MYO1H: variants seen among roughly 807,000 people sequenced by gnomAD.
MYO1H encodes unconventional myosin-Ih.
Under a neutral mutation model 149.3 loss-of-function variants are expected in MYO1H, and 118 were observed. The observed-to-expected ratio is 0.79, with a 90% confidence interval of 0.68 to 0.92. The LOEUF (loss-of-function observed/expected upper bound fraction) is 0.92, where lower values mean the gene tolerates loss of function less well. Ranked by LOEUF, MYO1H falls within the 40% of genes least tolerant of loss-of-function variation. The pLI is 0.00. For missense variants in MYO1H, 1,212 were observed against 1,280.7 expected, an observed-to-expected ratio of 0.95 and a Z score of 0.82; for synonymous variants, 447 against 465.2, an observed-to-expected ratio of 0.96 and a Z score of 0.50.
At chr12:109,438,563 G>A (rs1340953297) in exon 23 of MYO1H, 3 of 1,613,360 alleles carry the variant, frequency 1.9e-6, no homozygotes, top group African/African-American at 2.7e-5. Flanking sequence ...CACTGGCGTG[G>A]GGCCCTGGCT....
the MYO1H span, among the ~76,000 whole-genome samples, chr12:109,334,208 G>A: frequency 6.6e-6 from 1 of 152,152 alleles, no homozygotes; most frequent in Non-Finnish European, 1.5e-5. Context: ...AAGTAGAGAT[G>A]GGGTTTTGCC....
rs183590370 is a variant in MYO1H, at chr12:109,427,758, A to G, written c.1949+172A>G. 2.9e-3 allele frequency among the ~76,000 whole-genome samples: 425 copies of G among 147,116 alleles called. 3 individuals are homozygous for G. The highest frequency in any genetic ancestry group is 0.01 in the African/African-American group (410 of 39,942). ...ACATTTGGGAGAACATAAAAACCCAACTCTGGCTGGGTGCGGTGGCTCATG... is the reference window on the plus strand; with the variant it reads ...ACATTTGGGAGAACATAAAAACCCAGCTCTGGCTGGGTGCGGTGGCTCATG... On this transcript the variant is annotated intron_variant, in intron 19 of 31. Coordinates refer to ENST00000310903, the Ensembl canonical transcript of MYO1H.
At chr12:109,396,825 T>TG (rs1869934908) in intron 4 of MYO1H, among the ~76,000 whole-genome samples, 1 of 125,944 alleles carries the variant, frequency 7.9e-6, no homozygotes, top group Non-Finnish European at 1.7e-5. Flanking sequence ...TTTTTTTTTT[T>TG]TTTTTTTTTT....
At chr12:109,405,760 C>A (rs950724040) in intron 7 of MYO1H, among the ~76,000 whole-genome samples, 162 bp from the exon 8 acceptor site, 3 of 152,120 alleles carry the variant, frequency 2.0e-5, no homozygotes, top group African/African-American at 7.2e-5. Flanking sequence ...GGGCTGATTT[C>A]TGAGGAAGCA....
the MYO1H span, among the ~76,000 whole-genome samples, chr12:109,329,311 G>C: frequency 3.3e-5 from 5 of 152,162 alleles, no homozygotes; most frequent in African/African-American, 9.7e-5. Flanking sequence ...CAAGAGGAGA[G>C]TTGAGTAGTT....
At chr12:109,440,338 C>CA (rs1321656558) in intron 24 of MYO1H, among the ~76,000 whole-genome samples, 2 of 152,074 alleles carry the variant, frequency 1.3e-5, no homozygotes, top group Admixed American at 1.3e-4. Context: ...GCCCAGCCGA[C>CA]AGAGTACTTT....
At chr12:109,429,586 A>AT (rs1171489551) in intron 19 of MYO1H, among the ~76,000 whole-genome samples, 4 of 152,162 alleles carry the variant, frequency 2.6e-5, no homozygotes, top group Non-Finnish European at 4.4e-5. Context: ...ACACTATGCC[A>AT]TTTTTTATTA....
chr12:109,315,773 C>A, the MYO1H span, among the ~76,000 whole-genome samples: 1 of 152,230 alleles, frequency 6.6e-6, no homozygotes, highest in Non-Finnish European at 1.5e-5. Flanking sequence ...TGGAACATGT[C>A]TTTCTTTGGT....
chr12:109,406,402 G>C (rs993470694), intron 8 of MYO1H, among the ~76,000 whole-genome samples: 7 of 137,796 alleles, frequency 5.1e-5, no homozygotes, highest in African/African-American at 1.6e-4. Flanking sequence ...GAAATTCAAG[G>C]CTGCAGTGAG....
At chr12:109,342,574 G>A in the MYO1H span, among the ~76,000 whole-genome samples, 1 of 120,230 alleles carries the variant, frequency 8.3e-6, no homozygotes, top group Admixed American at 1.0e-4. Flanking sequence ...ACAGCGTCAT[G>A]CTCTGTCACA....
chr12:109,340,484 ACC>A, the MYO1H span, among the ~76,000 whole-genome samples: 1 of 151,840 alleles, frequency 6.6e-6, no homozygotes, highest in Non-Finnish European at 1.5e-5. Context: ...CATTTTTAAC[ACC>A]CCCCTGTTCT....
the MYO1H span, among the ~76,000 whole-genome samples, chr12:109,335,677 A>AT: frequency 7.7e-4 from 117 of 152,288 alleles, no homozygotes; most frequent in Admixed American, 3.4e-3. Context: ...GATGATTGAC[A>AT]TTTTTTATAA....
the MYO1H span, among the ~76,000 whole-genome samples, chr12:109,328,157 CGTGTGT>C: frequency 1.4e-5 from 2 of 142,626 alleles, no homozygotes; most frequent in South Asian, 2.2e-4. Flanking sequence ...TATATATATG[CGTGTGT>C]GTGTGTGTGT....
chr12:109,398,359 A>G (rs7974872), intron 5 of MYO1H, among the ~76,000 whole-genome samples: 37,798 of 152,182 alleles, frequency 0.25, 5,592 homozygotes, highest in East Asian at 0.39. Context: ...TACACTGCAG[A>G]GAGCAAATGA....
intron 16 of MYO1H, among the ~76,000 whole-genome samples, chr12:109,423,018 G>A (rs187603818): frequency 6.6e-6 from 1 of 152,192 alleles, no homozygotes; most frequent in Admixed American, 6.5e-5. Context: ...GGAGGTGGAG[G>A]TTGCAGTGAG....
In MYO1H at chr12:109,392,394, A is replaced by G. The variant is rs188652135; in HGVS notation, c.175-937A>G. On this transcript the variant is annotated intron_variant, in intron 2 of 31. Coordinates refer to ENST00000310903, the Ensembl canonical transcript of MYO1H. Reference sequence around the variant, plus strand: ...CTACTTTGTTTACAGCTGGCTCCTCATCCTTCAAGCTCTGCTCAGGTGTCA... The same window carrying G: ...CTACTTTGTTTACAGCTGGCTCCTCGTCCTTCAAGCTCTGCTCAGGTGTCA... Among the ~76,000 whole-genome samples, 246 of 152,186 alleles carry G rather than the reference A, an allele frequency of 1.6e-3. 1 individual carries two copies. The highest frequency in any genetic ancestry group is 5.5e-3 in the African/African-American group (230 of 41,536).
intron 1 of MYO1H, among the ~76,000 whole-genome samples, chr12:109,356,535 T>C (rs1304040884): frequency 6.6e-6 from 1 of 152,224 alleles, no homozygotes; most frequent in African/African-American, 2.4e-5. Flanking sequence ...ACAATTTTTT[T>C]TTCTAACATT....
chr12:109,317,172 G>A, the MYO1H span, among the ~76,000 whole-genome samples: 3 of 152,168 alleles, frequency 2.0e-5, no homozygotes, highest in Non-Finnish European at 4.4e-5. Context: ...TCACTTGCCT[G>A]ACTCACTGTA....
At chr12:109,369,682 G>A (rs546638708) in intron 1 of MYO1H, among the ~76,000 whole-genome samples, 1 of 152,310 alleles carries the variant, frequency 6.6e-6, no homozygotes, top group Admixed American at 6.5e-5. Context: ...TTCTATCTCT[G>A]GGATTGCAAA....
Sources: allele counts gnomAD v4.1 joint callset (sites outside exome capture counted in the v4.1 genomes callset), GRCh38; gene constraint gnomAD v4.1.1; transcripts MANE v1.5; gene names NCBI Gene and HGNC (gene_info 2026-07-23, HGNC 2026-07-21).